Variants in MAF observed in about 807,000 individuals in gnomAD.
MAF encodes the protein MAF bZIP transcription factor, also known as transcription factor Maf.
A neutral mutation model predicts 22.0 loss-of-function variants in MAF; 10 were observed. The ratio of observed to expected loss-of-function variants is 0.45; its 90% confidence interval spans 0.28 to 0.77. The LOEUF is 0.77. MAF is among the 30% of genes least tolerant of loss of function. MAF has a pLI of 0.12. For missense variants in MAF, 544 were observed against 548.4 expected, an observed-to-expected ratio of 0.99 and a Z score of 0.08; for synonymous variants, 337 against 255.8, an observed-to-expected ratio of 1.32 and a Z score of -3.03.
At chr16:79,224,564 C>T in the MAF span, among the ~76,000 whole-genome samples, 1 of 152,144 alleles carries the variant, frequency 6.6e-6, no homozygotes, top group Non-Finnish European at 1.5e-5. Context: ...AAAAGGAAGT[C>T]AAATTGTCTC....
At chr16:79,323,981 C>T in the MAF span, among the ~76,000 whole-genome samples, 3,596 of 152,196 alleles carry the variant, frequency 0.024, 66 homozygotes, top group Non-Finnish European at 0.031. Flanking sequence ...CGTTCCAGAG[C>T]GTATGCATCT....
chr16:79,255,551 C>T, the MAF span, among the ~76,000 whole-genome samples: 1 of 152,212 alleles, frequency 6.6e-6, no homozygotes, highest in African/African-American at 2.4e-5. Context: ...GCTTTACTGC[C>T]AGAAGGGGCC....
At chr16:79,279,736 G>A in the MAF span, among the ~76,000 whole-genome samples, 1 of 152,154 alleles carries the variant, frequency 6.6e-6, no homozygotes, top group Non-Finnish European at 1.5e-5. Context: ...TGACCTCCAA[G>A]CCTGGGATTC....
the MAF span, among the ~76,000 whole-genome samples, chr16:79,409,484 C>G: frequency 2.0e-5 from 3 of 152,192 alleles, no homozygotes; most frequent in African/African-American, 4.8e-5. Context: ...TCAGCTTGCT[C>G]GATAGCTTGG....
the MAF span, among the ~76,000 whole-genome samples, chr16:79,472,592 T>A: frequency 1.3e-5 from 2 of 152,046 alleles, no homozygotes; most frequent in Admixed American, 1.3e-4. Context: ...AGGAAGTAGA[T>A]GAGTGGTTGC....
chr16:79,430,824 C>T, the MAF span, among the ~76,000 whole-genome samples: 8 of 152,228 alleles, frequency 5.3e-5, no homozygotes, highest in Admixed American at 4.6e-4. Context: ...GTGTTTTGCC[C>T]TCTGCTCTTG....
chr16:79,274,997 A>T, the MAF span, among the ~76,000 whole-genome samples: 1 of 152,226 alleles, frequency 6.6e-6, no homozygotes, highest in Non-Finnish European at 1.5e-5. Context: ...TAACTGAGAT[A>T]TGCATATGTT....
At chr16:79,429,028 G>A in the MAF span, among the ~76,000 whole-genome samples, 8 of 152,080 alleles carry the variant, frequency 5.3e-5, no homozygotes, top group Non-Finnish European at 8.8e-5. Context: ...CCATCCTTGG[G>A]CAAGCATGAG....
chr16:79,222,590 A>G, the MAF span, among the ~76,000 whole-genome samples: 1 of 152,218 alleles, frequency 6.6e-6, no homozygotes, highest in Admixed American at 6.5e-5. Flanking sequence ...GGCAAATTAG[A>G]TAAAGAGTCA....
At chr16:79,401,034 G>A in the MAF span, among the ~76,000 whole-genome samples, 1 of 152,148 alleles carries the variant, frequency 6.6e-6, no homozygotes, top group African/African-American at 2.4e-5. Flanking sequence ...TCTTGGCCTT[G>A]TTCTCAAGAA....
chr16:79,509,999 C>G, the MAF span, among the ~76,000 whole-genome samples: 1 of 152,182 alleles, frequency 6.6e-6, no homozygotes, highest in African/African-American at 2.4e-5. Context: ...AGCAGGGACT[C>G]TTCCTAAATC....
chr16:79,592,658 T>C (rs1449123408), downstream of MAF, among the ~76,000 whole-genome samples: 4 of 152,204 alleles, frequency 2.6e-5, no homozygotes, highest in Non-Finnish European at 5.9e-5. Flanking sequence ...AACTTCCAAG[T>C]TTCTCTTATT....
the MAF span, among the ~76,000 whole-genome samples, chr16:79,359,245 T>C: frequency 6.6e-6 from 1 of 152,210 alleles, no homozygotes; most frequent in Admixed American, 6.5e-5. Context: ...GGTCATCTTG[T>C]TGCCATGTAC....
the MAF span, among the ~76,000 whole-genome samples, chr16:79,215,969 G>A: frequency 6.6e-6 from 1 of 152,096 alleles, no homozygotes; most frequent in African/African-American, 2.4e-5. Context: ...GTCCCCATGG[G>A]CCATTTTCTC....
chr16:79,577,688 T>G, the MAF span, among the ~76,000 whole-genome samples: 17 of 152,338 alleles, frequency 1.1e-4, no homozygotes, highest in African/African-American at 4.1e-4. Context: ...ATGCTAAATG[T>G]TAACTTTTCT....
At chr16:79,424,085 G>T in the MAF span, among the ~76,000 whole-genome samples, 1 of 152,112 alleles carries the variant, frequency 6.6e-6, no homozygotes, top group African/African-American at 2.4e-5. Flanking sequence ...ACATCAACAC[G>T]CACTGCTAGG....
At chr16:79,214,078 T>A in the MAF span, among the ~76,000 whole-genome samples, 1 of 152,156 alleles carries the variant, frequency 6.6e-6, no homozygotes, top group Non-Finnish European at 1.5e-5. Context: ...GAAACCAGCA[T>A]GCCTTTCTTC....
At chr16:79,266,303 C>G in the MAF span, among the ~76,000 whole-genome samples, 1 of 152,112 alleles carries the variant, frequency 6.6e-6, no homozygotes, top group South Asian at 2.1e-4. Flanking sequence ...TATTTTCAGT[C>G]CATGGTTGAC....
chr16:79,596,529 C>T, intron 1 of MAF: 1 of 1,048,478 alleles, frequency 9.5e-7, no homozygotes, highest in Non-Finnish European at 1.2e-6. Flanking sequence ...CTTGATATAA[C>T]CAGAATTGAA....
Sources: allele counts gnomAD v4.1 joint callset (sites outside exome capture counted in the v4.1 genomes callset), GRCh38; gene constraint gnomAD v4.1.1; transcripts MANE v1.5; gene names NCBI Gene and HGNC (gene_info 2026-07-23, HGNC 2026-07-21).